EGFR: variants seen among roughly 807,000 people sequenced by gnomAD.
EGFR encodes avian erythroblastic leukemia viral (v-erb-b) oncogene homolog.
A neutral mutation model predicts 143.0 loss-of-function variants in EGFR; 58 were observed. The observed-to-expected ratio is 0.41, with a 90% CI of 0.33 to 0.50. The LOEUF (loss-of-function observed/expected upper bound fraction) is 0.50. EGFR is among the 20% of genes least tolerant of loss of function. EGFR has a pLI of 0.39. For synonymous variants in EGFR, 613 were observed against 594.4 expected (o/e 1.03, Z -0.45); for missense variants, 1,307 against 1,579.0 (o/e 0.83, Z 2.92).
At chr7:55,131,437 G>A (rs1487529262) in intron 1 of EGFR, among the ~76,000 whole-genome samples, 1 of 152,092 alleles carries the variant, frequency 6.6e-6, no homozygotes, top group Non-Finnish European at 1.5e-5. Flanking sequence ...AATCTTTTAG[G>A]AAGGTTATTT....
chr7:55,170,157 G>C (rs1447773433), intron 15 of EGFR: 5 of 1,388,974 alleles, frequency 3.6e-6, no homozygotes, highest in Non-Finnish European at 4.9e-6. Flanking sequence ...GGAAAAGAGG[G>C]AGCACCCAGA....
At chr7:55,079,784 C>G (rs893930425) in intron 1 of EGFR, among the ~76,000 whole-genome samples, 1 of 151,944 alleles carries the variant, frequency 6.6e-6, no homozygotes, top group African/African-American at 2.4e-5. Context: ...CCCAGTAGTC[C>G]GTGAAAATCC....
At chr7:55,101,363 C>T (rs1438756955) in intron 1 of EGFR, among the ~76,000 whole-genome samples, 1 of 152,236 alleles carries the variant, frequency 6.6e-6, no homozygotes, top group Non-Finnish European at 1.5e-5. Flanking sequence ...AGCATTTCCC[C>T]GTGTTCTTTC....
At chr7:55,152,206 AT>A in intron 5 of EGFR, 2 of 451,572 alleles carry the variant, frequency 4.4e-6, no homozygotes, top group Non-Finnish European at 8.5e-6. Context: ...CTTAAGCTGA[AT>A]TGTGGGGGGG....
chr7:55,159,622 G>A (rs190448420), intron 11 of EGFR, among the ~76,000 whole-genome samples: 3 of 152,268 alleles, frequency 2.0e-5, no homozygotes, highest in Non-Finnish European at 2.9e-5. Context: ...TCTTCACACC[G>A]GCTCAAAATG....
In EGFR at chr7:55,173,862, G is replaced by A. The variant is rs1786468562; in HGVS notation, c.2062-59G>A. The A allele has an allele frequency of 1.1e-5, 17 of 1,613,652 alleles. No individual in the cohort carries two copies. In the South Asian group the frequency reaches 1.8e-4, roughly 17 times the overall value. The stretch of plus-strand genomic sequence containing the variant: ...CCCCTGCTGGGCCATGTCTGGCACT[G>A]CTTTCCAGCATGGTGAGGGCTGAGG... On this transcript the variant is annotated intron_variant, in intron 17 of 27. Coordinates refer to ENST00000275493, the MANE Select transcript of EGFR (RefSeq NM_005228.5).
chr7:55,022,926 A>C (rs987016296), intron 1 of EGFR, among the ~76,000 whole-genome samples: 1 of 152,240 alleles, frequency 6.6e-6, no homozygotes, highest in African/African-American at 2.4e-5. Flanking sequence ...AAGATGAAGG[A>C]TTCCTCCCTG....
chr7:55,174,896 C>T (rs2128955059), intron 19 of EGFR, 76 bp downstream of exon 19: 1 of 1,169,190 alleles, frequency 8.6e-7, no homozygotes, highest in Admixed American at 1.7e-5. Context: ...CTGGCAGCTG[C>T]TCTGCTCTAG....
At position 55,207,285 on chromosome 7, in the gene EGFR, A is replaced by G. The variant is rs911478266; in HGVS notation, c.*1668A>G. The stretch of plus-strand genomic sequence containing the variant: ...TCAGAGCCCCTACAGCATTGTTAAG[A>G]AAGTATTTGATTTTTGTCTCAATGA... On this transcript the variant is annotated 3_prime_UTR_variant, in exon 28 of 28. Transcript: ENST00000275493. 1 of 232,726 alleles carries G rather than the reference A, an allele frequency of 4.3e-6. No individual in the cohort carries two copies. The highest frequency in any genetic ancestry group is 5.6e-5 in the Admixed American group (1 of 17,778). The allele number at this position is 232,726 out of a possible 1,614,324, so 14.4% of individuals were successfully genotyped here.
In EGFR at chr7:55,034,913, G is replaced by T. The variant is rs1475482613; in HGVS notation, c.88+15548G>T. ...GCATAGTTGCTTTAAACAGTGAGAG[G>T]ATTTAATAGATATTTGATTTGCAAG... On this transcript the variant is annotated intron_variant, in intron 1 of 27. Coordinates refer to ENST00000275493, the MANE Select transcript of EGFR (RefSeq NM_005228.5). 2.0e-5 allele frequency among the ~76,000 whole-genome samples: 3 copies of T among 152,162 alleles called. No individual in the cohort carries two copies. The East Asian group carries it at 5.8e-4, about 29-fold the overall frequency.
chr7:55,194,655 C>T (rs1787544177), intron 22 of EGFR, among the ~76,000 whole-genome samples: 1 of 152,236 alleles, frequency 6.6e-6, no homozygotes, highest in Non-Finnish European at 1.5e-5. Context: ...TCCCGTCACG[C>T]TCCAGGCATA....
At chr7:55,032,446 T>G (rs1322345813) in intron 1 of EGFR, among the ~76,000 whole-genome samples, 1 of 152,208 alleles carries the variant, frequency 6.6e-6, no homozygotes, top group African/African-American at 2.4e-5. Context: ...TCACTCTCTA[T>G]GTAGAACGGC....
At chr7:55,058,135 C>T (rs539782866) in intron 1 of EGFR, among the ~76,000 whole-genome samples, 21 of 152,332 alleles carry the variant, frequency 1.4e-4, no homozygotes, top group African/African-American at 5.1e-4. Context: ...GTGGCTCACG[C>T]CTGTAATCCC....
At chr7:55,098,364 A>G (rs1005389073) in intron 1 of EGFR, among the ~76,000 whole-genome samples, 1 of 152,248 alleles carries the variant, frequency 6.6e-6, no homozygotes, top group Non-Finnish European at 1.5e-5. Flanking sequence ...GACAGCACGC[A>G]TGACCTTCCC....
At chr7:55,123,927 G>C (rs371706081) in intron 1 of EGFR, among the ~76,000 whole-genome samples, 1 of 152,148 alleles carries the variant, frequency 6.6e-6, no homozygotes, top group South Asian at 2.1e-4. Flanking sequence ...GTGTGTATAC[G>C]TGTGTGGGCA....
intron 27 of EGFR, among the ~76,000 whole-genome samples, chr7:55,204,361 C>A (rs1201245239): frequency 6.8e-6 from 1 of 147,442 alleles, no homozygotes; most frequent in Admixed American, 6.8e-5. Context: ...CACATACACA[C>A]CAACACCACA....
intron 1 of EGFR, among the ~76,000 whole-genome samples, chr7:55,141,896 T>C (rs1202566253): frequency 6.6e-6 from 1 of 152,232 alleles, no homozygotes; most frequent in Non-Finnish European, 1.5e-5. Context: ...CTCTTACAGG[T>C]TAATCCTGTC....
intron 20 of EGFR, among the ~76,000 whole-genome samples, chr7:55,187,685 T>C (rs1456916180): frequency 1.3e-5 from 2 of 152,250 alleles, no homozygotes; most frequent in Non-Finnish European, 2.9e-5. Context: ...CTCTGAGATC[T>C]GGAGTCCAGA....
intron 1 of EGFR, among the ~76,000 whole-genome samples, chr7:55,088,287 C>T (rs969379830): frequency 1.3e-5 from 2 of 152,160 alleles, no homozygotes; most frequent in African/African-American, 4.8e-5. Flanking sequence ...AGGCCCCCTT[C>T]GCACAAAGAG....
Sources: allele counts gnomAD v4.1 joint callset (sites outside exome capture counted in the v4.1 genomes callset), GRCh38; gene constraint gnomAD v4.1.1; transcripts MANE v1.5; gene names NCBI Gene and HGNC (gene_info 2026-07-23, HGNC 2026-07-21).